The following FOXK2 variants were observed in gnomAD, a reference collection of about 807,000 sequenced individuals.
FOXK2 encodes forkhead box K2.
A neutral mutation model predicts 53.3 loss-of-function variants in FOXK2; 24 were observed. The observed-to-expected ratio is 0.45, with a 90% confidence interval of 0.33 to 0.63. The LOEUF is 0.63. Among genes scored for constraint, FOXK2 ranks in the 30% least tolerant of loss-of-function variants. The pLI is 0.03. For missense variants in FOXK2, 952 were observed against 910.5 expected (o/e 1.05, Z -0.59); for synonymous variants, 505 against 407.1 (o/e 1.24, Z -2.89).
At position 82,542,177 on chromosome 17, in the gene FOXK2, T is replaced by G. The variant is rs368954937; in HGVS notation, c.420-21177T>G. On this transcript the variant is annotated intron_variant, in intron 1 of 8. Transcript: ENST00000335255. The stretch of plus-strand genomic sequence containing the variant: ...TTTTTTTCTTCTTTCTTTTTTTTTT[T>G]TTTGAGACAGTTTCGTTCTTGTCGC... 3.2e-3 allele frequency among the ~76,000 whole-genome samples: 476 copies of G among 148,722 alleles called. 2 individuals carry two copies. Among genetic ancestry groups the G allele is most frequent in the African/African-American group, 0.011 (434 of 40,188 alleles).
intron 1 of FOXK2, among the ~76,000 whole-genome samples, chr17:82,560,225 G>A (rs1018786258): frequency 6.6e-6 from 1 of 151,874 alleles, no homozygotes; most frequent in Non-Finnish European, 1.5e-5. Flanking sequence ...AGGCAGGATG[G>A]TCTCGATCTC....
Position 82,526,636 on chromosome 17 carries a change from CTG to C in FOXK2, c.419+6330_419+6331del, listed in dbSNP as rs1170001129. On this transcript the variant is annotated intron_variant, in intron 1 of 8. Coordinates refer to ENST00000335255, the MANE Select transcript of FOXK2 (RefSeq NM_004514.4). ...ATGAGGTCAGGAGATTGAGACCATC[CTG>C]GTTAACACGGTGAAACCTCATCTCT... Among the ~76,000 whole-genome samples, 18 of 151,972 alleles carry C rather than the reference CTG, an allele frequency of 1.2e-4. No homozygotes were observed. The East Asian group carries it at 3.1e-3, about 26-fold the overall frequency.
chr17:82,560,003 T>A (rs1481966092), intron 1 of FOXK2, among the ~76,000 whole-genome samples: 2 of 33,606 alleles, frequency 6.0e-5, no homozygotes, highest in Admixed American at 6.7e-4. Flanking sequence ...TGGATAGACT[T>A]TTTTTTTTTT....
In FOXK2 at chr17:82,519,995, C is replaced by A; in HGVS notation, c.107C>A (p.Ala36Asp). 7.0e-7 allele frequency: 1 copy of A among 1,434,500 alleles called. No individual in the cohort carries two copies. The highest frequency in any genetic ancestry group is 9.2e-7 in the Non-Finnish European group (1 of 1,087,098). 88.9% of individuals were successfully genotyped at this position (1,434,500 alleles called of 1,614,324 possible). A position where few individuals can be genotyped will look rare whatever the true frequency, so the allele number is the denominator to read the frequency against. ...GGCGGGTCCCCGCCGGGCGGCTGGG[C>A]CGTGGCGCGCCTGGAGGGCCGCGAG... is the stretch of plus-strand genomic sequence containing the variant. The part of the protein sequence containing the change: ...GGGGSPPGGW[A>D]VARLEGREFE... Residue 36 changes from alanine (A) to aspartate (D), a missense_variant, in exon 1 of 9, where the codon GCC (alanine) becomes GAC (aspartate). Transcript: ENST00000335255.
At chr17:82,587,632 T>C (rs1023137779) in intron 8 of FOXK2, 6 of 350,764 alleles carry the variant, frequency 1.7e-5, no homozygotes, top group Non-Finnish European at 5.5e-6. Flanking sequence ...GGCGGTGCTA[T>C]GCTGCTGAGG....
chr17:82,560,001 CTTT>C (rs10583366), intron 1 of FOXK2, among the ~76,000 whole-genome samples: 2,709 of 97,480 alleles, frequency 0.028, 186 homozygotes, highest in East Asian at 0.23. Context: ...TCTGGATAGA[CTTT>C]TTTTTTTTTT....
At chr17:82,520,401 G>A in intron 1 of FOXK2, 94 bp downstream of exon 1, 1 of 1,078,726 alleles carries the variant, frequency 9.3e-7, no homozygotes, top group East Asian at 3.6e-5. Context: ...GACCACCCAC[G>A]AGCGGGGGCC....
intron 1 of FOXK2, among the ~76,000 whole-genome samples, chr17:82,536,128 T>C (rs759066493): frequency 6.6e-6 from 1 of 152,184 alleles, no homozygotes; most frequent in Non-Finnish European, 1.5e-5. Flanking sequence ...TCTGCCCATC[T>C]CGGCCTCCCC....
chr17:82,557,479 G>T (rs1031687376), intron 1 of FOXK2, among the ~76,000 whole-genome samples: 2 of 151,864 alleles, frequency 1.3e-5, no homozygotes, highest in African/African-American at 4.8e-5. Flanking sequence ...AAGTAGCTGG[G>T]ATTACATGCG....
intron 4 of FOXK2, among the ~76,000 whole-genome samples, chr17:82,572,613 G>A (rs968325152): frequency 2.6e-5 from 4 of 151,924 alleles, no homozygotes; most frequent in African/African-American, 7.3e-5. Context: ...ATGTATATGA[G>A]AATCTTGCTA....
intron 1 of FOXK2, among the ~76,000 whole-genome samples, chr17:82,555,344 C>T (rs956582884): frequency 2.2e-4 from 33 of 152,114 alleles, no homozygotes; most frequent in African/African-American, 6.5e-4. Flanking sequence ...CATCTGGTTT[C>T]GCCCCCACCT....
chr17:82,584,589 C>G (rs992932404), intron 6 of FOXK2, among the ~76,000 whole-genome samples: 5 of 130,014 alleles, frequency 3.8e-5, no homozygotes, highest in African/African-American at 5.6e-5. Flanking sequence ...CAGAGTCTCA[C>G]TTTGTCACCA....
At chr17:82,598,326 C>T (rs910821845) in intron 8 of FOXK2, among the ~76,000 whole-genome samples, 16 of 152,118 alleles carry the variant, frequency 1.1e-4, no homozygotes, top group Non-Finnish European at 2.4e-4. Context: ...GCCTCCTGGC[C>T]TCAAGGGACC....
At chr17:82,545,100 T>C (rs980890323) in intron 1 of FOXK2, among the ~76,000 whole-genome samples, 43 of 152,298 alleles carry the variant, frequency 2.8e-4, no homozygotes, top group African/African-American at 1.0e-3. Context: ...TGGAGGGGTT[T>C]CTTAGTTGGT....
chr17:82,537,168 G>T (rs1400410126), intron 1 of FOXK2, among the ~76,000 whole-genome samples: 1 of 152,142 alleles, frequency 6.6e-6, no homozygotes, highest in South Asian at 2.1e-4. Context: ...TGGGATGCTG[G>T]GCTGGAGCTG....
chr17:82,539,238 G>A (rs186841858), intron 1 of FOXK2, among the ~76,000 whole-genome samples: 9 of 148,036 alleles, frequency 6.1e-5, no homozygotes, highest in East Asian at 4.0e-4. Context: ...GTGGCCGGGC[G>A]TGGTGGCTCA....
Position 82,568,310 on chromosome 17 carries a change from A to C in FOXK2, c.762+109A>C, listed in dbSNP as rs908694340. On this transcript the variant is annotated intron_variant, in intron 3 of 8. Coordinates refer to ENST00000335255, the MANE Select transcript of FOXK2 (RefSeq NM_004514.4). The stretch of plus-strand genomic sequence containing the variant: ...CTGCCTGTCCAGTGACAGCCCTGCC[A>C]GGGCATCGGTGGGGATGTGGGCTTG... The C allele has an allele frequency of 5.2e-6, 7 of 1,340,614 alleles. No homozygotes were observed. The African/African-American group carries it at 1.0e-4, about 20-fold the overall frequency. 83.0% of individuals were successfully genotyped at this position (1,340,614 alleles called of 1,614,324 possible).
At chr17:82,586,983 TG>T in intron 7 of FOXK2, 79 bp from the exon 8 acceptor site, 1 of 1,287,410 alleles carries the variant, frequency 7.8e-7, no homozygotes, top group Non-Finnish European at 1.1e-6. Context: ...GATAGCTATC[TG>T]GTTATTATGT....
chr17:82,581,971 C>G (rs1366054626), intron 4 of FOXK2, among the ~76,000 whole-genome samples: 1 of 152,198 alleles, frequency 6.6e-6, no homozygotes, highest in Non-Finnish European at 1.5e-5. Context: ...AAAACAGGTA[C>G]TTTGCCAAGT....
Sources: allele counts gnomAD v4.1 joint callset (sites outside exome capture counted in the v4.1 genomes callset), GRCh38; gene constraint gnomAD v4.1.1; transcripts MANE v1.5; gene names NCBI Gene and HGNC (gene_info 2026-07-23, HGNC 2026-07-21).